Variants in PDE5A observed in about 807,000 individuals in gnomAD.
PDE5A encodes cGMP-specific 3',5'-cyclic phosphodiesterase.
PDE5A carries 67 observed loss-of-function variants against 110.2 expected under a neutral mutation model. That is an observed-to-expected ratio of 0.61 (90% CI 0.50 to 0.75). The LOEUF is 0.75. Among genes scored for constraint, PDE5A ranks in the 30% least tolerant of loss-of-function variants. The probability of loss-of-function intolerance (pLI) is 0.00; values close to 1 mark genes in which losing one functional copy is unlikely to be tolerated. For missense variants in PDE5A, 862 were observed against 1,045.1 expected (o/e 0.82, Z 2.42); for synonymous variants, 328 against 351.2 (o/e 0.93, Z 0.74).
Position 119,525,655 on chromosome 4 carries a change from T to A in PDE5A, c.1673A>T (p.Asp558Val). ...CAGCTCAAAGTCACTGAAGCTAAAG[T>A]CAGTAATTTTAAGGGTCTGGGCAGA... is the stretch of plus-strand genomic sequence containing the variant. ...VPSAQTLKIT[D>V]FSFSDFELSD... The change falls in exon 12 of 21, where the codon GAC (aspartate) becomes GTC (valine). Residue 558 changes from aspartate (D) to valine (V), a missense_variant. Physicochemically the swap from Asp to Val is radical, Grantham distance 152. Coordinates refer to ENST00000354960, the MANE Select transcript of PDE5A (RefSeq NM_001083.4). This position sits in a 1 kb window ranked among gnomAD's most constrained non-coding sequence, Gnocchi z 4.3. 6.2e-7 allele frequency: 1 copy of A among 1,612,854 alleles called. No homozygotes were observed. The highest frequency in any genetic ancestry group is 8.5e-7 in the Non-Finnish European group (1 of 1,179,408).
intron 3 of PDE5A, among the ~76,000 whole-genome samples, chr4:119,576,954 G>C (rs567409820): frequency 1.2e-5 from 1 of 82,904 alleles, no homozygotes; most frequent in East Asian, 5.0e-4. Flanking sequence ...GACTAATAAA[G>C]AAGAAAAGAG....
At chr4:119,620,017 G>C (rs1178680210) in intron 1 of PDE5A, among the ~76,000 whole-genome samples, 1 of 152,186 alleles carries the variant, frequency 6.6e-6, no homozygotes, top group African/African-American at 2.4e-5. Flanking sequence ...TCCATCACAT[G>C]GATGGGGGTG....
At chr4:119,552,933 C>G (rs931981984) in intron 8 of PDE5A, among the ~76,000 whole-genome samples, 4 of 151,958 alleles carry the variant, frequency 2.6e-5, no homozygotes, top group Non-Finnish European at 4.4e-5. Flanking sequence ...AGTACAGTAT[C>G]TACTATACTA....
intron 3 of PDE5A, among the ~76,000 whole-genome samples, chr4:119,594,037 C>A (rs1473150136): frequency 6.6e-6 from 1 of 152,084 alleles, no homozygotes; most frequent in African/African-American, 2.4e-5. Context: ...GCCCTTGATA[C>A]GTAGGGATTA....
rs1560608208 is a variant in PDE5A, at chr4:119,542,428, A to G, written c.1572+31T>C. ...AGGTAAAAGATGAGGGTTTGGCTGT[A>G]CAGTGTGAGAGGTCCCTAAACTTCA... On this transcript the variant is annotated intron_variant, in intron 10 of 20. Transcript: ENST00000354960. The G allele has an allele frequency of 1.9e-6, 3 of 1,602,532 alleles. 1 individual carries two copies. The highest frequency in any genetic ancestry group is 3.4e-4 in the Middle Eastern group (2 of 5,966).
chr4:119,624,870 T>C (rs746580813), intron 1 of PDE5A, among the ~76,000 whole-genome samples: 1 of 152,194 alleles, frequency 6.6e-6, no homozygotes, highest in Non-Finnish European at 1.5e-5. Flanking sequence ...TTGTCTACAA[T>C]AGTGACCTGG....
At position 119,607,251 on chromosome 4, in the gene PDE5A, C is replaced by T; in HGVS notation, c.199G>A (p.Val67Met). 6.2e-7 allele frequency: 1 copy of T among 1,613,452 alleles called. No homozygotes were observed. The highest frequency in any genetic ancestry group is 1.1e-5 in the South Asian group (1 of 91,072). The change falls in exon 2 of 21, where the codon GTG becomes ATG. Residue 67 changes from valine (V) to methionine (M), a missense_variant. Physicochemically the swap from Val to Met is conservative, Grantham distance 21. Transcript: ENST00000354960. Reference protein sequence around the residue: ...WFAERVHTIPVCKEGIRGHTE... With the variant: ...WFAERVHTIPMCKEGIRGHTE... ...TGGCCTCTGATACCTTCCTTGCACA[C>T]AGGGATGGTGTGAACTCTCTCAGCA... is the stretch of plus-strand genomic sequence containing the variant.
chr4:119,564,456 A>G (rs899891756), intron 5 of PDE5A, among the ~76,000 whole-genome samples: 7 of 152,140 alleles, frequency 4.6e-5, no homozygotes, highest in African/African-American at 1.4e-4. Flanking sequence ...GGAATCTAAG[A>G]AAGCAATGAA....
chr4:119,599,006 T>C (rs1330244317), intron 2 of PDE5A, among the ~76,000 whole-genome samples: 1 of 151,740 alleles, frequency 6.6e-6, no homozygotes, highest in Non-Finnish European at 1.5e-5. Context: ...GACAATGGAG[T>C]TCCAGCCCAG....
intron 3 of PDE5A, among the ~76,000 whole-genome samples, chr4:119,592,487 A>AAAAAAAAAAAG (rs70944896): frequency 7.3e-6 from 1 of 136,958 alleles, no homozygotes; most frequent in Non-Finnish European, 1.6e-5. Context: ...AAAAAAAAAA[A>AAAAAAAAAAAG]GCTGTGTTCT....
intron 1 of PDE5A, among the ~76,000 whole-genome samples, chr4:119,624,785 A>G (rs1730278994): frequency 6.6e-6 from 1 of 152,214 alleles, no homozygotes; most frequent in African/African-American, 2.4e-5. Flanking sequence ...TAGCACCAGG[A>G]AAGCTTCAGT....
At position 119,525,491 on chromosome 4, in the gene PDE5A, C is replaced by G. The variant is rs1726279662; in HGVS notation, c.1779+58G>C. On this transcript the variant is annotated intron_variant, in intron 12 of 20. Coordinates refer to ENST00000354960, the MANE Select transcript of PDE5A (RefSeq NM_001083.4). The surrounding 1 kb of genome is among the most constrained non-coding windows in gnomAD (Gnocchi z 4.3). ...TTTGCATTCAAAACCAATTCTCTCT[C>G]TTACATACACACACACATACACATA... 2 of 1,504,922 alleles carry G rather than the reference C, an allele frequency of 1.3e-6. No homozygotes were observed. The highest frequency in any genetic ancestry group is 2.8e-5 in the African/African-American group (2 of 72,142). 93.2% of individuals were successfully genotyped at this position (1,504,922 alleles called of 1,614,324 possible). A position where few individuals can be genotyped will look rare whatever the true frequency, so the allele number is the denominator to read the frequency against.
At position 119,544,677 on chromosome 4, in the gene PDE5A, T is replaced by C. The variant is rs75777178; in HGVS notation, c.1397-2043A>G. Among the ~76,000 whole-genome samples the C allele has an allele frequency of 7.4e-3, 1,125 of 152,288 alleles. 14 individuals are homozygous for C. Among genetic ancestry groups the C allele is most frequent in the African/African-American group, 0.025 (1,057 of 41,562 alleles). ...TCATAAACAAGATTTTAAAAATTAC[T>C]TCACAAGAATTACTACACGTATAGC... On this transcript the variant is annotated intron_variant, in intron 9 of 20. Coordinates refer to ENST00000354960, the MANE Select transcript of PDE5A (RefSeq NM_001083.4).
intron 11 of PDE5A, among the ~76,000 whole-genome samples, chr4:119,535,362 G>A (rs933777638): frequency 6.6e-5 from 10 of 152,088 alleles, no homozygotes; most frequent in East Asian, 1.9e-4. Context: ...ATCCTTTTCC[G>A]AAGCTTTTGT....
At chr4:119,508,809 TGAG>T (rs1380341446) in intron 15 of PDE5A, among the ~76,000 whole-genome samples, 1 of 152,006 alleles carries the variant, frequency 6.6e-6, no homozygotes, top group African/African-American at 2.4e-5. Context: ...TCTCAAAAGC[TGAG>T]GATATAATTT....
chr4:119,521,652 A>C (rs1222359457), intron 12 of PDE5A, among the ~76,000 whole-genome samples: 3 of 151,598 alleles, frequency 2.0e-5, no homozygotes, highest in African/African-American at 2.4e-5. Flanking sequence ...TTTAAATTAT[A>C]CTTATTCAGG....
At chr4:119,542,173 G>A (rs1726954956) in intron 10 of PDE5A, among the ~76,000 whole-genome samples, 1 of 152,134 alleles carries the variant, frequency 6.6e-6, no homozygotes, top group African/African-American at 2.4e-5. Flanking sequence ...TGTGTCAATG[G>A]ATTATTAAAG....
At chr4:119,601,575 A>G (rs907742775) in intron 2 of PDE5A, among the ~76,000 whole-genome samples, 2 of 151,918 alleles carry the variant, frequency 1.3e-5, no homozygotes, top group African/African-American at 4.8e-5. Context: ...GGGTCATTCT[A>G]TCTAATTACT....
intron 2 of PDE5A, among the ~76,000 whole-genome samples, chr4:119,599,347 T>C (rs182977990): frequency 3.0e-4 from 45 of 151,592 alleles, no homozygotes; most frequent in Non-Finnish European, 5.8e-4. Flanking sequence ...AAGTAGTCAA[T>C]AAAAAATGAC....
Sources: gnomAD v4.1 joint callset for allele counts (sites outside exome capture counted in the v4.1 genomes callset) on GRCh38, gnomAD v4.1.1 for gene constraint, Gnocchi (gnomAD v3.1) non-coding constraint, MANE v1.5 for transcripts, NCBI Gene and HGNC (gene_info 2026-07-23, HGNC 2026-07-21) for gene names.